Variants in ADAMTS12 observed in about 807,000 individuals in gnomAD.
The protein encoded by ADAMTS12 is A disintegrin and metalloproteinase with thrombospondin motifs 12.
A neutral mutation model predicts 167.8 loss-of-function variants in ADAMTS12; 118 were observed. The ratio of observed to expected loss-of-function variants is 0.70; its 90% CI spans 0.61 to 0.82. The LOEUF (loss-of-function observed/expected upper bound fraction) is 0.82, where lower values mean the gene tolerates loss of function less well. Ranked by LOEUF, ADAMTS12 falls within the 40% of genes least tolerant of loss-of-function variation. ADAMTS12 has a pLI of 0.00. For missense variants in ADAMTS12, 1,916 were observed against 1,998.8 expected (o/e 0.96, Z 0.79); for synonymous variants, 704 against 716.9 (o/e 0.98, Z 0.29).
chr5:33,845,980 A>G (rs939413650), intron 2 of ADAMTS12, among the ~76,000 whole-genome samples: 7 of 152,178 alleles, frequency 4.6e-5, no homozygotes, highest in African/African-American at 1.7e-4. Flanking sequence ...CTCCCCATAC[A>G]TTAAGGATCC....
intron 7 of ADAMTS12, among the ~76,000 whole-genome samples, chr5:33,651,797 C>T (rs2112197380): frequency 6.6e-6 from 1 of 152,284 alleles, no homozygotes; most frequent in East Asian, 1.9e-4. Flanking sequence ...TCTCCTCCCA[C>T]TCTCCCCAGC....
intron 13 of ADAMTS12, among the ~76,000 whole-genome samples, chr5:33,630,490 C>T (rs1739866743): frequency 6.6e-6 from 1 of 152,142 alleles, no homozygotes; most frequent in Admixed American, 6.5e-5. Flanking sequence ...ATAATCTGGG[C>T]TGGGTTTTCC....
chr5:33,730,402 G>A (rs1245102564), intron 3 of ADAMTS12, among the ~76,000 whole-genome samples: 1 of 151,688 alleles, frequency 6.6e-6, no homozygotes, highest in Non-Finnish European at 1.5e-5. Flanking sequence ...AAGACTGGAG[G>A]CAGGAGGGGC....
intron 2 of ADAMTS12, among the ~76,000 whole-genome samples, chr5:33,791,213 G>A (rs1287608478): frequency 1.3e-5 from 2 of 152,148 alleles, no homozygotes; most frequent in Admixed American, 1.3e-4. Flanking sequence ...TATTGAGTTG[G>A]ATGTTCAGGC....
intron 3 of ADAMTS12, among the ~76,000 whole-genome samples, chr5:33,726,351 C>G (rs545823480): frequency 1.1e-4 from 17 of 152,296 alleles, no homozygotes; most frequent in African/African-American, 3.9e-4. Flanking sequence ...GTGGCTGACG[C>G]TAAAGTCTCT....
intron 5 of ADAMTS12, among the ~76,000 whole-genome samples, chr5:33,672,939 A>G (rs1741768875): frequency 6.6e-6 from 1 of 152,230 alleles, no homozygotes; most frequent in Non-Finnish European, 1.5e-5. Context: ...CTTGGAACAC[A>G]GGTTTGCAGC....
chr5:33,823,599 C>G (rs1747944648), intron 2 of ADAMTS12, among the ~76,000 whole-genome samples: 1 of 151,180 alleles, frequency 6.6e-6, no homozygotes, highest in African/African-American at 2.4e-5. Flanking sequence ...AGACTCAGCC[C>G]CCAGTGACTC....
chr5:33,568,312 G>A (rs373191477), intron 19 of ADAMTS12, among the ~76,000 whole-genome samples: 8 of 152,134 alleles, frequency 5.3e-5, no homozygotes, highest in South Asian at 4.1e-4. Context: ...AAATCAAAGC[G>A]AAAACATAGC....
intron 2 of ADAMTS12, among the ~76,000 whole-genome samples, chr5:33,862,433 G>C (rs1749654789): frequency 6.6e-6 from 1 of 152,116 alleles, no homozygotes; most frequent in Non-Finnish European, 1.5e-5. Context: ...CAGTAAACTA[G>C]AAAATCTAGA....
At chr5:33,756,100 C>T (rs1680884718) in intron 2 of ADAMTS12, among the ~76,000 whole-genome samples, 1 of 152,196 alleles carries the variant, frequency 6.6e-6, no homozygotes, top group Non-Finnish European at 1.5e-5. Flanking sequence ...ATATGCAATC[C>T]AGCCATGAAG....
At chr5:33,646,834 A>G (rs994899565) in intron 9 of ADAMTS12, among the ~76,000 whole-genome samples, 1 of 152,238 alleles carries the variant, frequency 6.6e-6, no homozygotes, top group Admixed American at 6.5e-5. Flanking sequence ...ATATTATTAA[A>G]GAAATAAAAG....
At chr5:33,604,867 T>C (rs1738361983) in intron 16 of ADAMTS12, among the ~76,000 whole-genome samples, 1 of 152,162 alleles carries the variant, frequency 6.6e-6, no homozygotes, top group Non-Finnish European at 1.5e-5. Flanking sequence ...AATTACACTC[T>C]AATCAAACCT....
At chr5:33,655,175 G>T (rs1741008211) in intron 7 of ADAMTS12, among the ~76,000 whole-genome samples, 1 of 152,114 alleles carries the variant, frequency 6.6e-6, no homozygotes. Flanking sequence ...TAATGCCCCT[G>T]AGTAAGTTAT....
chr5:33,559,954 A>G (rs914593054), intron 20 of ADAMTS12, among the ~76,000 whole-genome samples: 2 of 152,222 alleles, frequency 1.3e-5, no homozygotes, highest in African/African-American at 4.8e-5. Flanking sequence ...TATTCTTTAT[A>G]TCTCAGCTTT....
At chr5:33,535,616 C>A (rs553943131) in intron 22 of ADAMTS12, among the ~76,000 whole-genome samples, 1 of 152,266 alleles carries the variant, frequency 6.6e-6, no homozygotes, top group South Asian at 2.1e-4. Flanking sequence ...AGACTCCCAA[C>A]CCAAACATTC....
intron 19 of ADAMTS12, among the ~76,000 whole-genome samples, chr5:33,574,681 G>T (rs1249179703): frequency 6.6e-6 from 1 of 151,970 alleles, no homozygotes; most frequent in Non-Finnish European, 1.5e-5. Context: ...ACACCAGCAT[G>T]TCACATGTAT....
At chr5:33,872,369 C>T (rs1489507336) in intron 2 of ADAMTS12, among the ~76,000 whole-genome samples, 8 of 151,990 alleles carry the variant, frequency 5.3e-5, no homozygotes, top group Middle Eastern at 3.2e-3. Context: ...TATGGTGAAA[C>T]CCCGTCTCCA....
chr5:33,847,199 A>C (rs2111623471), intron 2 of ADAMTS12, among the ~76,000 whole-genome samples: 1 of 152,124 alleles, frequency 6.6e-6, no homozygotes, highest in East Asian at 1.9e-4. Flanking sequence ...AGATGTGTAG[A>C]TCTATCTCAG....
chr5:33,815,986 C>T (rs764108614), intron 2 of ADAMTS12, among the ~76,000 whole-genome samples: 1 of 152,122 alleles, frequency 6.6e-6, no homozygotes, highest in South Asian at 2.1e-4. Context: ...TGCCAATTTG[C>T]CATCCTTCAA....
Sources: gnomAD v4.1 joint callset for allele counts (sites outside exome capture counted in the v4.1 genomes callset) on GRCh38, gnomAD v4.1.1 for gene constraint, MANE v1.5 for transcripts, NCBI Gene and HGNC (gene_info 2026-07-23, HGNC 2026-07-21) for gene names.